The following STK39 variants were observed in gnomAD, a reference collection of about 807,000 sequenced individuals.
The protein encoded by STK39 is serine/threonine kinase 39.
STK39 carries 20 observed loss-of-function variants against 77.8 expected under a neutral mutation model. That is an observed-to-expected ratio of 0.26 (90% confidence interval 0.18 to 0.37). The LOEUF is 0.37. Among genes scored for constraint, STK39 ranks in the 10% least tolerant of loss-of-function variants. The probability of loss-of-function intolerance (pLI) is 1.00; values close to 1 mark genes in which losing one functional copy is unlikely to be tolerated. For synonymous variants in STK39, 246 were observed against 234.1 expected (o/e 1.05, Z -0.47); for missense variants, 479 against 656.5 (o/e 0.73, Z 2.95).
Position 168,129,531 on chromosome 2 carries a change from T to C in STK39, c.1089+10A>G, listed in dbSNP as rs1358653798. ...GTTCCTACAGGGTCATGAAGGCTAATGGCACTTACCTTTTTGGCTCTTTGG... is the reference window on the plus strand; with the variant it reads ...GTTCCTACAGGGTCATGAAGGCTAACGGCACTTACCTTTTTGGCTCTTTGG... On this transcript the variant is annotated intron_variant, in intron 10 of 17. Transcript: ENST00000355999. 6.2e-7 allele frequency: 1 copy of C among 1,613,936 alleles called. No individual in the cohort carries two copies. The highest frequency in any genetic ancestry group is 1.3e-5 in the African/African-American group (1 of 74,930).
At chr2:168,197,610 G>T (rs1689504381) in intron 1 of STK39, among the ~76,000 whole-genome samples, 1 of 152,140 alleles carries the variant, frequency 6.6e-6, no homozygotes, top group South Asian at 2.1e-4. Context: ...CATGTGTACT[G>T]CCCTCCTATA....
intron 1 of STK39, among the ~76,000 whole-genome samples, chr2:168,198,738 A>G (rs1689537761): frequency 6.6e-6 from 1 of 152,224 alleles, no homozygotes; most frequent in Admixed American, 6.5e-5. Context: ...CTCAGCGTTC[A>G]CTAGGTGGCT....
At chr2:167,972,165 C>A (rs1442036052) in intron 16 of STK39, among the ~76,000 whole-genome samples, 2 of 152,158 alleles carry the variant, frequency 1.3e-5, no homozygotes, top group Non-Finnish European at 2.9e-5. Context: ...GGCATGATGG[C>A]AAAAGGGTAA....
intron 10 of STK39, among the ~76,000 whole-genome samples, chr2:168,124,820 T>C (rs1450902566): frequency 6.6e-6 from 1 of 152,214 alleles, no homozygotes; most frequent in Non-Finnish European, 1.5e-5. Flanking sequence ...TAAATGTTCC[T>C]GTAGAAGATG....
In STK39 at chr2:168,074,971, C is replaced by A. The variant is rs1398327151; in HGVS notation, c.1242+11G>T. 1 of 1,612,588 alleles carries A rather than the reference C, an allele frequency of 6.2e-7. No individual in the cohort carries two copies. Among genetic ancestry groups the A allele is most frequent in the Non-Finnish European group, 8.5e-7 (1 of 1,179,840 alleles). ...AAATGGCAAAATAATAAATAAATAG[C>A]CACAGCTCACCTCTGGATTTTCTTC... On this transcript the variant is annotated intron_variant, in intron 12 of 17. Coordinates refer to ENST00000355999, the MANE Select transcript of STK39 (RefSeq NM_013233.3).
At chr2:168,182,217 G>T in intron 1 of STK39, 127 bp from the exon 2 acceptor site, 2 of 626,894 alleles carry the variant, frequency 3.2e-6, no homozygotes, top group Non-Finnish European at 5.5e-6. Context: ...ATTACCATTT[G>T]ACATCTTTTT....
rs143878904 is a variant in STK39 at position 168,169,093 on chromosome 2, C to T, written c.322-1686G>A. Among the ~76,000 whole-genome samples, 461 of 152,332 alleles carry T rather than the reference C, an allele frequency of 3.0e-3. 6 individuals are homozygous for T. Among genetic ancestry groups the T allele is most frequent in the African/African-American group, 0.01 (433 of 41,570 alleles). On this transcript the variant is annotated intron_variant, in intron 2 of 17. Transcript: ENST00000355999. Reference sequence around the variant, plus strand: ...TCAGTATATAACAATGATTTTCCTTCATCATTCCCCTCATCCATTTGACTG... The same window carrying T: ...TCAGTATATAACAATGATTTTCCTTTATCATTCCCCTCATCCATTTGACTG...
intron 10 of STK39, among the ~76,000 whole-genome samples, chr2:168,116,964 C>T (rs1433399158): frequency 6.6e-6 from 1 of 152,178 alleles, no homozygotes; most frequent in Non-Finnish European, 1.5e-5. Flanking sequence ...AATGCAGCTT[C>T]AGGTAACAGG....
At chr2:168,058,013 T>C (rs1685570334) in intron 14 of STK39, among the ~76,000 whole-genome samples, 1 of 152,106 alleles carries the variant, frequency 6.6e-6, no homozygotes, top group South Asian at 2.1e-4. Flanking sequence ...GTAAACATGC[T>C]TTTTTTAAAA....
In STK39 at chr2:168,247,495, T is replaced by C; in HGVS notation, c.-60A>G. ...CGACGGACGACCTTCCACTTGAAAC[T>C]TCCTTTGCCTCGCCGCCGACACCTC... is the stretch of plus-strand genomic sequence containing the variant. On this transcript the variant is annotated 5_prime_UTR_variant, in exon 1 of 18. Transcript: ENST00000355999. 3.3e-6 allele frequency: 4 copies of C among 1,216,556 alleles called. No homozygotes were observed. The highest frequency in any genetic ancestry group is 3.1e-5 in the Admixed American group (1 of 32,784). 75.4% of individuals were successfully genotyped at this position (1,216,556 alleles called of 1,614,324 possible). A position where few individuals can be genotyped will look rare whatever the true frequency, so the allele number is the denominator to read the frequency against.
At chr2:167,959,338 G>GA (rs1465662609) in intron 17 of STK39, among the ~76,000 whole-genome samples, 1 of 151,710 alleles carries the variant, frequency 6.6e-6, no homozygotes, top group African/African-American at 2.4e-5. Context: ...TGTTAGCCAG[G>GA]ATGGTCTCGA....
intron 10 of STK39, among the ~76,000 whole-genome samples, chr2:168,129,315 A>AG (rs1245300649): frequency 6.6e-6 from 1 of 152,262 alleles, no homozygotes; most frequent in African/African-American, 2.4e-5. Context: ...AAGCTGATAA[A>AG]GGGAAAAATG....
At chr2:168,089,322 T>C (rs566068667) in intron 10 of STK39, among the ~76,000 whole-genome samples, 2 of 152,332 alleles carry the variant, frequency 1.3e-5, no homozygotes, top group South Asian at 2.1e-4. Context: ...TGAGTTACAC[T>C]GTCAGTCAAA....
intron 1 of STK39, among the ~76,000 whole-genome samples, chr2:168,227,797 A>G (rs998944332): frequency 1.4e-4 from 21 of 152,222 alleles, no homozygotes; most frequent in African/African-American, 5.1e-4. Context: ...AGCTGAGACT[A>G]CAGGCACCCA....
At chr2:167,975,678 G>T (rs935471328) in intron 16 of STK39, among the ~76,000 whole-genome samples, 9 of 152,216 alleles carry the variant, frequency 5.9e-5, no homozygotes. Flanking sequence ...GCCGGGCGTG[G>T]TGGTGGGTTC....
intron 14 of STK39, among the ~76,000 whole-genome samples, chr2:168,032,671 C>T (rs1223196271): frequency 1.3e-5 from 2 of 152,188 alleles, no homozygotes; most frequent in Non-Finnish European, 2.9e-5. Context: ...TGCTATTTGC[C>T]TCTTCACAGT....
intron 16 of STK39, among the ~76,000 whole-genome samples, chr2:168,011,234 G>A (rs183934788): frequency 6.6e-6 from 1 of 151,950 alleles, no homozygotes; most frequent in Non-Finnish European, 1.5e-5. Context: ...GGGAGGCGGA[G>A]GTTGCAGTGG....
chr2:168,146,813 A>G (rs1452834796), intron 5 of STK39, among the ~76,000 whole-genome samples: 1 of 152,236 alleles, frequency 6.6e-6, no homozygotes, highest in Non-Finnish European at 1.5e-5. Flanking sequence ...AGCAAAATCA[A>G]CAGAGCCTGT....
chr2:167,971,133 C>G (rs1019547128), intron 16 of STK39, among the ~76,000 whole-genome samples: 12 of 152,170 alleles, frequency 7.9e-5, no homozygotes, highest in Admixed American at 3.3e-4. Context: ...ATCCACTAAT[C>G]TCTCGGAGCG....
Sources: gnomAD v4.1 joint callset for allele counts (sites outside exome capture counted in the v4.1 genomes callset) on GRCh38, gnomAD v4.1.1 for gene constraint, MANE v1.5 for transcripts, NCBI Gene and HGNC (gene_info 2026-07-23, HGNC 2026-07-21) for gene names.